Variants in SEMA6D observed in about 807,000 individuals in gnomAD.
The protein encoded by SEMA6D is semaphorin 6D, also known as semaphorin-6D.
A neutral mutation model predicts 106.6 loss-of-function variants in SEMA6D; 35 were observed. That is an observed-to-expected ratio of 0.33 (90% CI 0.25 to 0.44). The LOEUF is 0.44. SEMA6D is among the 20% of genes least tolerant of loss of function. SEMA6D has a pLI of 1.00. For synonymous variants in SEMA6D, 499 were observed against 487.7 expected, an observed-to-expected ratio of 1.02 and a Z score of -0.31; for missense variants, 1,185 against 1,345.9, an observed-to-expected ratio of 0.88 and a Z score of 1.87.
intron 3 of SEMA6D, among the ~76,000 whole-genome samples, chr15:47,482,760 G>C (rs191349666): frequency 2.0e-5 from 3 of 152,184 alleles, no homozygotes; most frequent in Non-Finnish European, 4.4e-5. Flanking sequence ...AGGATTTCTT[G>C]TTTTGATAAA....
chr15:47,608,358 G>A (rs1387273797), intron 4 of SEMA6D, among the ~76,000 whole-genome samples: 2 of 152,122 alleles, frequency 1.3e-5, no homozygotes, highest in African/African-American at 2.4e-5. Context: ...ACTGGGGATG[G>A]TTTTACTTTT....
intron 3 of SEMA6D, among the ~76,000 whole-genome samples, chr15:47,497,546 T>C (rs567879155): frequency 2.6e-5 from 4 of 152,100 alleles, no homozygotes; most frequent in African/African-American, 4.8e-5. Context: ...CCCATAGATA[T>C]GTACTCTCTG....
chr15:47,357,136 C>T (rs1242236223), intron 1 of SEMA6D, among the ~76,000 whole-genome samples: 1 of 151,860 alleles, frequency 6.6e-6, no homozygotes, highest in Non-Finnish European at 1.5e-5. Flanking sequence ...AGATCGAGAC[C>T]ATCCTGGCTA....
chr15:47,294,156 G>A (rs570428548), intron 1 of SEMA6D, among the ~76,000 whole-genome samples: 61 of 150,836 alleles, frequency 4.0e-4, no homozygotes, highest in African/African-American at 1.2e-3. Flanking sequence ...TTACAGTTCC[G>A]AAGGAAAAAC....
At chr15:47,489,738 G>C (rs1010596334) in intron 3 of SEMA6D, among the ~76,000 whole-genome samples, 2 of 151,712 alleles carry the variant, frequency 1.3e-5, no homozygotes, top group African/African-American at 4.8e-5. Context: ...TGCAACCTCC[G>C]CCTCCCAGGT....
chr15:47,526,390 A>G (rs549638024), intron 3 of SEMA6D, among the ~76,000 whole-genome samples: 17 of 152,286 alleles, frequency 1.1e-4, no homozygotes, highest in Non-Finnish European at 2.4e-4. Context: ...CTCTAAAAAT[A>G]TTTCCCATGA....
At chr15:47,661,612 C>G (rs186953021) in intron 4 of SEMA6D, among the ~76,000 whole-genome samples, 183 of 152,284 alleles carry the variant, frequency 1.2e-3, no homozygotes, top group Non-Finnish European at 1.6e-4. Flanking sequence ...AGCTTTGGCT[C>G]TGTGGGAAAA....
intron 4 of SEMA6D, among the ~76,000 whole-genome samples, chr15:47,703,914 T>C (rs1455357181): frequency 6.6e-6 from 1 of 152,158 alleles, no homozygotes; most frequent in Non-Finnish European, 1.5e-5. Flanking sequence ...TAATCACTCT[T>C]AATGAAGGCA....
chr15:47,314,597 C>CAAAAATAAAAAAAAAAA (rs2036573506), intron 1 of SEMA6D, among the ~76,000 whole-genome samples: 1 of 24,302 alleles, frequency 4.1e-5, no homozygotes, highest in Non-Finnish European at 1.1e-4. Context: ...GACTCCATCT[C>CAAAAATAAAAAAAAAAA]AAAAAAAAAA....
intron 1 of SEMA6D, chr15:47,275,017 A>C (rs1257883369): frequency 6.6e-6 from 1 of 152,166 alleles, no homozygotes; most frequent in Non-Finnish European, 1.5e-5. Context: ...AATGAAGAAG[A>C]TTACATATGC....
chr15:47,493,452 G>A (rs1252422149), intron 3 of SEMA6D, among the ~76,000 whole-genome samples: 1 of 152,106 alleles, frequency 6.6e-6, no homozygotes, highest in East Asian at 1.9e-4. Flanking sequence ...AGCTAGAAAG[G>A]CACTTTACAA....
chr15:47,368,655 A>T (rs1377432573), intron 1 of SEMA6D, among the ~76,000 whole-genome samples: 3 of 152,142 alleles, frequency 2.0e-5, no homozygotes, highest in Admixed American at 2.0e-4. Context: ...ATTGAACTAC[A>T]TTTTGGGCAC....
chr15:47,754,487 C>G (rs111747221), intron 1 of SEMA6D, among the ~76,000 whole-genome samples: 5,396 of 152,180 alleles, frequency 0.035, 345 homozygotes, highest in African/African-American at 0.12. Context: ...CTGCTGGCTT[C>G]CATTGTTTCT....
intron 3 of SEMA6D, among the ~76,000 whole-genome samples, chr15:47,561,287 T>A (rs987589186): frequency 6.6e-6 from 1 of 152,050 alleles, no homozygotes; most frequent in African/African-American, 2.4e-5. Context: ...AACAGCTGAT[T>A]TATTGTCATA....
At chr15:47,365,907 G>A (rs1245747787) in intron 1 of SEMA6D, among the ~76,000 whole-genome samples, 1 of 147,356 alleles carries the variant, frequency 6.8e-6, no homozygotes, top group East Asian at 2.0e-4. Flanking sequence ...GAGAGAGAGA[G>A]AGAGAGAGAG....
intron 4 of SEMA6D, among the ~76,000 whole-genome samples, chr15:47,664,511 T>G (rs1161396097): frequency 6.6e-6 from 1 of 152,204 alleles, no homozygotes; most frequent in Non-Finnish European, 1.5e-5. Flanking sequence ...CTATACAGTA[T>G]TCAAAAAGCA....
intron 1 of SEMA6D, among the ~76,000 whole-genome samples, chr15:47,332,996 T>G (rs2037403435): frequency 6.6e-6 from 1 of 152,148 alleles, no homozygotes; most frequent in African/African-American, 2.4e-5. Context: ...CTCAACAGAA[T>G]CAAACAAGAA....
chr15:47,532,383 C>T (rs751306853), intron 3 of SEMA6D, among the ~76,000 whole-genome samples: 2 of 152,172 alleles, frequency 1.3e-5, no homozygotes, highest in Non-Finnish European at 2.9e-5. Context: ...CTAACAGTCT[C>T]TCTCCCTCCT....
At chr15:47,417,942 A>G (rs2041029583) in intron 2 of SEMA6D, among the ~76,000 whole-genome samples, 1 of 152,100 alleles carries the variant, frequency 6.6e-6, no homozygotes, top group Non-Finnish European at 1.5e-5. Flanking sequence ...AAATGTCTGC[A>G]TTCAAGGAAG....
Sources: allele counts gnomAD v4.1 joint callset (sites outside exome capture counted in the v4.1 genomes callset), GRCh38; gene constraint gnomAD v4.1.1; transcripts MANE v1.5; gene names NCBI Gene and HGNC (gene_info 2026-07-23, HGNC 2026-07-21).